RIC1: variants seen among roughly 807,000 people sequenced by gnomAD.
RIC1 encodes the protein guanine nucleotide exchange factor subunit RIC1.
RIC1 carries 88 observed loss-of-function variants against 169.0 expected under a neutral mutation model. The ratio of observed to expected loss-of-function variants is 0.52; its 90% confidence interval spans 0.44 to 0.62. The LOEUF is 0.62. Ranked by LOEUF, RIC1 falls within the 20% of genes least tolerant of loss-of-function variation. The pLI is 0.00. For missense variants in RIC1, 1,877 were observed against 1,725.5 expected, an observed-to-expected ratio of 1.09 and a Z score of -1.56; for synonymous variants, 790 against 601.5, an observed-to-expected ratio of 1.31 and a Z score of -4.59.
chr9:5,631,551 G>T (rs935470849), intron 1 of RIC1, among the ~76,000 whole-genome samples: 3 of 152,002 alleles, frequency 2.0e-5, no homozygotes, highest in Non-Finnish European at 4.4e-5. Flanking sequence ...GCTGGGCGTG[G>T]TGGTGCACGC....
intron 6 of RIC1, among the ~76,000 whole-genome samples, chr9:5,727,565 C>T (rs555291705): frequency 9.8e-5 from 15 of 152,330 alleles, no homozygotes; most frequent in South Asian, 2.1e-4. Context: ...CATTCTCCAT[C>T]GAGCTTTGTT....
intron 2 of RIC1, among the ~76,000 whole-genome samples, chr9:5,665,119 G>A (rs189732028): frequency 2.6e-5 from 4 of 152,068 alleles, no homozygotes; most frequent in African/African-American, 7.2e-5. Context: ...TATATATTGA[G>A]GACATTTAGC....
chr9:5,762,410 A>G, intron 17 of RIC1, 131 bp from the exon 18 acceptor site: 1 of 1,088,246 alleles, frequency 9.2e-7, no homozygotes, highest in Non-Finnish European at 1.3e-6. Context: ...GCCTAGCAGA[A>G]TGGCTGTACA....
At chr9:5,701,439 C>T (rs1822212936) in intron 3 of RIC1, among the ~76,000 whole-genome samples, 1 of 151,924 alleles carries the variant, frequency 6.6e-6, no homozygotes, top group South Asian at 2.1e-4. Flanking sequence ...TAGCAGAACC[C>T]CCGTCTCTAC....
chr9:5,634,791 C>T (rs1817888033), intron 1 of RIC1, among the ~76,000 whole-genome samples: 1 of 152,120 alleles, frequency 6.6e-6, no homozygotes, highest in Non-Finnish European at 1.5e-5. Context: ...ATCGTGAAAA[C>T]AGATGTCAGG....
intron 3 of RIC1, among the ~76,000 whole-genome samples, chr9:5,691,623 G>C (rs948510128): frequency 6.6e-6 from 1 of 151,792 alleles, no homozygotes; most frequent in Non-Finnish European, 1.5e-5. Context: ...ACTGAAAAAA[G>C]AATTTTTTTG....
intron 1 of RIC1, among the ~76,000 whole-genome samples, chr9:5,630,130 C>A (rs763031393): frequency 6.6e-6 from 1 of 152,132 alleles, no homozygotes; most frequent in East Asian, 1.9e-4. Context: ...AGTTATAACA[C>A]CTGGAAATAA....
intron 4 of RIC1, among the ~76,000 whole-genome samples, chr9:5,717,077 A>G (rs1228410531): frequency 1.3e-5 from 2 of 152,202 alleles, no homozygotes; most frequent in African/African-American, 4.8e-5. Flanking sequence ...TAAAAAGCCT[A>G]TCTGCTAATT....
intron 1 of RIC1, among the ~76,000 whole-genome samples, chr9:5,635,040 TAC>T (rs1817904272): frequency 6.6e-6 from 1 of 152,116 alleles, no homozygotes; most frequent in Non-Finnish European, 1.5e-5. Flanking sequence ...CACTCTGGAG[TAC>T]AGAGTCATGA....
At chr9:5,709,403 A>C (rs943177489) in intron 3 of RIC1, among the ~76,000 whole-genome samples, 1 of 152,146 alleles carries the variant, frequency 6.6e-6, no homozygotes, top group Non-Finnish European at 1.5e-5. Flanking sequence ...TAAATATTAG[A>C]GTTTGATTAT....
At chr9:5,755,917 C>T (rs935458161) in intron 15 of RIC1, among the ~76,000 whole-genome samples, 5 of 137,112 alleles carry the variant, frequency 3.6e-5, no homozygotes, top group East Asian at 2.3e-4. Context: ...AGTGAGACCC[C>T]GTCTTTAAAT....
chr9:5,664,882 T>G (rs184701972), intron 2 of RIC1, among the ~76,000 whole-genome samples: 44 of 152,324 alleles, frequency 2.9e-4, no homozygotes, highest in African/African-American at 9.4e-4. Context: ...GAGATTCTTT[T>G]CTCCACTTGG....
intron 3 of RIC1, among the ~76,000 whole-genome samples, chr9:5,699,407 C>T (rs1159994498): frequency 6.6e-6 from 1 of 152,230 alleles, no homozygotes; most frequent in South Asian, 2.1e-4. Flanking sequence ...TGGGCCGTGG[C>T]CACCTGCAAT....
intron 1 of RIC1, among the ~76,000 whole-genome samples, chr9:5,656,287 T>C (rs1253993667): frequency 6.6e-6 from 1 of 152,202 alleles, no homozygotes; most frequent in Non-Finnish European, 1.5e-5. Flanking sequence ...AGAATTGGTG[T>C]AATTTCTCCC....
At chr9:5,649,259 A>T (rs1253225283) in intron 1 of RIC1, among the ~76,000 whole-genome samples, 1 of 152,248 alleles carries the variant, frequency 6.6e-6, no homozygotes, top group African/African-American at 2.4e-5. Context: ...TGGTAATTAC[A>T]TAGAATACTC....
At chr9:5,714,676 T>C (rs2130833550) in intron 4 of RIC1, among the ~76,000 whole-genome samples, 1 of 152,274 alleles carries the variant, frequency 6.6e-6, no homozygotes, top group East Asian at 1.9e-4. Flanking sequence ...AAATATGTTG[T>C]TGGGTGAAAA....
At chr9:5,681,731 G>C (rs200516541) in intron 2 of RIC1, among the ~76,000 whole-genome samples, 1 of 152,114 alleles carries the variant, frequency 6.6e-6, no homozygotes, top group African/African-American at 2.4e-5. Context: ...CTGTCTAATG[G>C]TGACAGTGGG....
intron 4 of RIC1, chr9:5,719,308 G>A (rs1341166337): frequency 6.6e-6 from 1 of 152,152 alleles, no homozygotes; most frequent in Non-Finnish European, 1.5e-5. Context: ...CACTGCCCTT[G>A]GGGCTGTGCA....
intron 2 of RIC1, among the ~76,000 whole-genome samples, chr9:5,678,665 T>A (rs1820607692): frequency 6.6e-6 from 1 of 152,160 alleles, no homozygotes; most frequent in African/African-American, 2.4e-5. Context: ...AGTGTCTGTT[T>A]GTATCTTTCG....
Sources: allele counts gnomAD v4.1 joint callset (sites outside exome capture counted in the v4.1 genomes callset), GRCh38; gene constraint gnomAD v4.1.1; transcripts MANE v1.5; gene names NCBI Gene and HGNC (gene_info 2026-07-23, HGNC 2026-07-21).